The following LCTL variants were observed in gnomAD, a reference collection of about 807,000 sequenced individuals.
The protein encoded by LCTL is lactase like, also known as lactase-like protein.
Under a neutral mutation model 75.8 loss-of-function variants are expected in LCTL, and 76 were observed. That is an observed-to-expected ratio of 1.00 (90% CI 0.83 to 1.21). The LOEUF is 1.21. LCTL is among the 50% of genes most tolerant of loss of function. The pLI is 0.00. For synonymous variants in LCTL, 271 were observed against 268.8 expected, an observed-to-expected ratio of 1.01 and a Z score of -0.08; for missense variants, 670 against 712.4, an observed-to-expected ratio of 0.94 and a Z score of 0.68.
At position 66,552,452 on chromosome 15, in the gene LCTL, C is replaced by T. The variant is rs138675645; in HGVS notation, c.1198-283G>A. Among the ~76,000 whole-genome samples, 37 of 151,954 alleles carry T rather than the reference C, an allele frequency of 2.4e-4. No homozygotes were observed. The East Asian group carries it at 6.8e-3, about 28-fold the overall frequency. ...TTGGGAGGCCAAGGTGGGCAGATCA[C>T]CTAAGGTCAGGAGTTTGAGACCAGC... On this transcript the variant is annotated intron_variant, in intron 9 of 12. Coordinates refer to ENST00000341509, the Ensembl canonical transcript of LCTL.
At chr15:66,555,489 C>G (rs1315010275) in intron 8 of LCTL, among the ~76,000 whole-genome samples, 1 of 151,474 alleles carries the variant, frequency 6.6e-6, no homozygotes, top group Admixed American at 6.6e-5. Flanking sequence ...TGCAGTGAGC[C>G]GAGATCGCAC....
At chr15:66,556,117 A>G (rs1268610556) in intron 8 of LCTL, among the ~76,000 whole-genome samples, 2 of 152,206 alleles carry the variant, frequency 1.3e-5, no homozygotes, top group African/African-American at 4.8e-5. Flanking sequence ...AAAATTAAAA[A>G]TGGAATTTTT....
chr15:66,554,581 T>C (rs1895698956), intron 8 of LCTL, among the ~76,000 whole-genome samples: 1 of 152,258 alleles, frequency 6.6e-6, no homozygotes, highest in South Asian at 2.1e-4. Flanking sequence ...TGTCCTTTCA[T>C]TGACCAATTC....
At chr15:66,551,565 G>T in intron 11 of LCTL, 97 bp downstream of exon 12, 1 of 940,322 alleles carries the variant, frequency 1.1e-6, no homozygotes, top group Admixed American at 2.1e-5. Flanking sequence ...CTCTTTCATG[G>T]AGGAAAGAGA....
chr15:66,552,960 T>G (rs1375411216), intron 9 of LCTL, 24 bp downstream of exon 10: 12 of 1,428,350 alleles, frequency 8.4e-6, no homozygotes, highest in African/African-American at 1.5e-5. Flanking sequence ...AAATGTCCTT[T>G]GAATAGCTGA....
At chr15:66,565,311 G>T in exon 1 of LCTL, 2 of 1,613,868 alleles carry the variant, frequency 1.2e-6, no homozygotes, top group Non-Finnish European at 1.7e-6. Context: ...GCGGCCCCCA[G>T]CCTGGGCACC....
At chr15:66,564,075 C>A (rs916624848) in intron 2 of LCTL, 77 bp from the exon 4 acceptor site, 2 of 917,494 alleles carry the variant, frequency 2.2e-6, no homozygotes, top group African/African-American at 3.2e-5. Flanking sequence ...GCTCTAGGGC[C>A]GAGGCTCACT....
At chr15:66,557,064 G>A (rs1389029579) in intron 8 of LCTL, among the ~76,000 whole-genome samples, 2 of 152,112 alleles carry the variant, frequency 1.3e-5, no homozygotes, top group African/African-American at 4.8e-5. Context: ...CAGTCATCTT[G>A]TGGCCATGGG....
chr15:66,559,826 C>A (rs988179005), intron 6 of LCTL, among the ~76,000 whole-genome samples: 4 of 152,132 alleles, frequency 2.6e-5, no homozygotes, highest in Admixed American at 6.5e-5. Flanking sequence ...ATGGCGCATG[C>A]CTACAATCTC....
At chr15:66,559,063 T>C (rs1895818431) in intron 6 of LCTL, among the ~76,000 whole-genome samples, 2 of 151,884 alleles carry the variant, frequency 1.3e-5, no homozygotes, top group Admixed American at 1.3e-4. Context: ...GGGGTCTTGC[T>C]TGTTGTCTAG....
intron 6 of LCTL, 90 bp from the exon 8 acceptor site, chr15:66,558,126 T>C (rs1311980219): frequency 5.1e-5 from 57 of 1,121,234 alleles, no homozygotes; most frequent in Non-Finnish European, 6.7e-5. Context: ...TTCCTAACTT[T>C]AGAGCTATTA....
intron 4 of LCTL, among the ~76,000 whole-genome samples, chr15:66,563,145 G>A (rs1270247378): frequency 2.6e-5 from 4 of 152,114 alleles, no homozygotes; most frequent in Non-Finnish European, 5.9e-5. Flanking sequence ...CTTCTCTCTT[G>A]AATGGGATTA....
exon 11 of LCTL, chr15:66,551,834 C>G: frequency 6.2e-7 from 1 of 1,613,328 alleles, no homozygotes; most frequent in South Asian, 1.1e-5. Context: ...GGAAGTATAC[C>G]CCTTTATATT....
chr15:66,552,130 C>T lies in LCTL; in HGVS notation c.1237G>A (p.Gly413Arg), dbSNP rs1895622314. 2 of 1,613,322 alleles carry T rather than the reference C, an allele frequency of 1.2e-6. No homozygotes were observed. The highest frequency in any genetic ancestry group is 1.7e-6 in the Non-Finnish European group (2 of 1,179,642). Reference sequence around the variant, plus strand: ...GTACAGTGGAATTTTTGAGATGCTCCATTTTCCATCACATATATGGGAGGA... The same window carrying T: ...GTACAGTGGAATTTTTGAGATGCTCTATTTTCCATCACATATATGGGAGGA... Residue 413 changes from glycine (G) to arginine (R), a missense_variant, in exon 10 of 13, where the codon GGA becomes AGA. By Grantham distance (125) the Gly-to-Arg change is moderately radical (BLOSUM62 -2). Coordinates refer to ENST00000341509, the Ensembl canonical transcript of LCTL.
exon 9 of LCTL, chr15:66,553,106 C>T (rs760370531): frequency 1.2e-6 from 2 of 1,611,430 alleles, no homozygotes; most frequent in South Asian, 1.1e-5. Flanking sequence ...TAGCTGGGCC[C>T]CTGGCGGGAG....
At chr15:66,558,688 T>TTA (rs1567060821) in intron 6 of LCTL, among the ~76,000 whole-genome samples, 1 of 27,088 alleles carries the variant, frequency 3.7e-5, no homozygotes, top group Non-Finnish European at 1.2e-4. Context: ...TGTGTGTGTG[T>TTA]TTTTTTTTTT....
At chr15:66,550,787 C>G (rs938013417) in intron 11 of LCTL, among the ~76,000 whole-genome samples, 3 of 151,998 alleles carry the variant, frequency 2.0e-5, no homozygotes, top group African/African-American at 4.8e-5. Flanking sequence ...CCAAGACACT[C>G]GAGATTACAG....
At chr15:66,565,512 G>A, upstream of LCTL, 3 of 587,840 alleles carry the variant, frequency 5.1e-6, no homozygotes, top group Non-Finnish European at 9.0e-6. Context: ...CCCAGCAGCA[G>A]AGGCTGAGGC....
At chr15:66,565,083 C>G (rs1247768069) in intron 1 of LCTL, among the ~76,000 whole-genome samples, 165 bp downstream of exon 2, 4 of 137,440 alleles carry the variant, frequency 2.9e-5, no homozygotes, top group Non-Finnish European at 4.9e-5. Flanking sequence ...TTTTTAGTAA[C>G]TTCAAAAAAA....
Sources: allele counts gnomAD v4.1 joint callset (sites outside exome capture counted in the v4.1 genomes callset), GRCh38; gene constraint gnomAD v4.1.1; transcripts MANE v1.5; gene names NCBI Gene and HGNC (gene_info 2026-07-23, HGNC 2026-07-21).